Variants in NRG3 observed in about 807,000 individuals in gnomAD.
NRG3 encodes pro-neuregulin-3, membrane-bound isoform.
Under a neutral mutation model 66.9 loss-of-function variants are expected in NRG3, and 31 were observed. The observed-to-expected ratio is 0.46, with a 90% CI of 0.35 to 0.63. The LOEUF is 0.63. Ranked by LOEUF, NRG3 falls within the 20% of genes least tolerant of loss-of-function variation. NRG3 has a pLI of 0.00. For missense variants in NRG3, 910 were observed against 878.9 expected (o/e 1.04, Z -0.45); for synonymous variants, 393 against 359.4 (o/e 1.09, Z -1.06).
At chr10:81,910,210 T>G (rs1311771311) in intron 1 of NRG3, among the ~76,000 whole-genome samples, 1 of 152,208 alleles carries the variant, frequency 6.6e-6, no homozygotes, top group African/African-American at 2.4e-5. Flanking sequence ...TTTCTTGCTG[T>G]CCACCTACTA....
chr10:82,859,667 GA>G (rs977284432), intron 3 of NRG3, among the ~76,000 whole-genome samples: 1 of 152,146 alleles, frequency 6.6e-6, no homozygotes, highest in Non-Finnish European at 1.5e-5. Flanking sequence ...TAGATAAGAA[GA>G]AAAAGTTCAA....
chr10:82,460,235 A>G (rs1256497569), intron 2 of NRG3, among the ~76,000 whole-genome samples: 1 of 152,200 alleles, frequency 6.6e-6, no homozygotes, highest in Non-Finnish European at 1.5e-5. Flanking sequence ...ACATGTCCAC[A>G]GTAGAGCGCT....
intron 1 of NRG3, among the ~76,000 whole-genome samples, chr10:82,356,008 G>A (rs955318604): frequency 7.2e-5 from 11 of 152,160 alleles, no homozygotes; most frequent in Non-Finnish European, 1.3e-4. Context: ...GATTCTTTAA[G>A]CTATGGAAAT....
rs901077116 is a variant in NRG3, at chr10:82,314,225, C to G, written c.824-44514C>G. Among the ~76,000 whole-genome samples, 8 of 152,278 alleles carry G rather than the reference C, an allele frequency of 5.3e-5. No homozygotes were observed. In the South Asian group the frequency reaches 1.7e-3, roughly 32 times the overall value. On this transcript the variant is annotated intron_variant, in intron 1 of 8. Transcript: ENST00000372141. Reference sequence around the variant, plus strand: ...CTATTTTCTCTCATTAGCTTGACAACAGAACTTTAATCCACATGAGTTGAT... The same window carrying G: ...CTATTTTCTCTCATTAGCTTGACAAGAGAACTTTAATCCACATGAGTTGAT...
intron 1 of NRG3, among the ~76,000 whole-genome samples, chr10:82,030,563 G>T (rs1270034070): frequency 3.3e-5 from 5 of 152,010 alleles, no homozygotes; most frequent in African/African-American, 1.2e-4. Flanking sequence ...GGGAGAAAAC[G>T]TGATTCATAC....
chr10:82,606,733 C>T (rs548133442), intron 2 of NRG3, among the ~76,000 whole-genome samples: 1 of 152,252 alleles, frequency 6.6e-6, no homozygotes, highest in Non-Finnish European at 1.5e-5. Flanking sequence ...CCACCTGCTC[C>T]TTCATTGTTC....
intron 3 of NRG3, among the ~76,000 whole-genome samples, chr10:82,830,120 G>C (rs2062444339): frequency 6.6e-6 from 1 of 152,208 alleles, no homozygotes; most frequent in Non-Finnish European, 1.5e-5. Context: ...TTGAGTTGCA[G>C]ATGAGACTGA....
rs983640875 is a variant in NRG3 at position 82,216,984 on chromosome 10, A to T, written c.824-141755A>T. Reference sequence around the variant, plus strand: ...TTTCTGCAGTTCACTCATACTGAGCAAATCTAGACAAAACAAATCCTGTTG... The same window carrying T: ...TTTCTGCAGTTCACTCATACTGAGCTAATCTAGACAAAACAAATCCTGTTG... On this transcript the variant is annotated intron_variant, in intron 1 of 8. Transcript: ENST00000372141. Among the ~76,000 whole-genome samples, 5 of 152,220 alleles carry T rather than the reference A, an allele frequency of 3.3e-5. No homozygotes were observed. The South Asian group carries it at 1.0e-3, about 31-fold the overall frequency.
intron 3 of NRG3, among the ~76,000 whole-genome samples, chr10:82,818,080 G>A (rs1482906057): frequency 1.3e-5 from 2 of 152,204 alleles, no homozygotes; most frequent in Non-Finnish European, 2.9e-5. Context: ...ATGGGCTGTT[G>A]GCTAGCTGCA....
intron 1 of NRG3, among the ~76,000 whole-genome samples, chr10:82,103,851 G>A (rs1042308636): frequency 1.8e-4 from 27 of 151,992 alleles, no homozygotes; most frequent in African/African-American, 6.3e-4. Context: ...GAAAGACAAG[G>A]TGAGAAAAAA....
At chr10:82,463,754 A>G (rs1490931180) in intron 2 of NRG3, among the ~76,000 whole-genome samples, 2 of 152,160 alleles carry the variant, frequency 1.3e-5, no homozygotes, top group Non-Finnish European at 1.5e-5. Flanking sequence ...TCCAGAACCT[A>G]TGCATTTGTA....
chr10:82,692,251 C>CAA (rs11323182), intron 2 of NRG3, among the ~76,000 whole-genome samples: 1 of 120,762 alleles, frequency 8.3e-6, no homozygotes, highest in Non-Finnish European at 1.7e-5. Flanking sequence ...GATTCCATCT[C>CAA]AAAAAAAAAA....
intron 1 of NRG3, among the ~76,000 whole-genome samples, chr10:82,195,520 C>A (rs908516091): frequency 1.3e-5 from 2 of 152,054 alleles, no homozygotes; most frequent in East Asian, 1.9e-4. Flanking sequence ...AAGCTCCCCC[C>A]ACCATATCTC....
intron 1 of NRG3, among the ~76,000 whole-genome samples, chr10:81,911,033 T>C (rs1411610207): frequency 6.6e-6 from 1 of 152,186 alleles, no homozygotes; most frequent in Non-Finnish European, 1.5e-5. Flanking sequence ...GAACTTATCC[T>C]TGGAATATAT....
chr10:82,570,892 T>C lies in NRG3; in HGVS notation c.954-167685T>C, dbSNP rs371119577. On this transcript the variant is annotated intron_variant, in intron 2 of 8. Transcript: ENST00000372141. The stretch of plus-strand genomic sequence containing the variant: ...TTTCCTTCAATGTGACAGGTCTCAG[T>C]GACCACACATTCCTCATATATATCT... Among the ~76,000 whole-genome samples, 12 of 151,766 alleles carry C rather than the reference T, an allele frequency of 7.9e-5. No individual in the cohort carries two copies. In the South Asian group the frequency reaches 1.5e-3, roughly 18 times the overall value.
intron 1 of NRG3, among the ~76,000 whole-genome samples, chr10:82,007,148 T>A (rs925282041): frequency 6.6e-6 from 1 of 152,030 alleles, no homozygotes; most frequent in African/African-American, 2.4e-5. Flanking sequence ...ATAGATTTAG[T>A]TATAACTGTC....
intron 2 of NRG3, among the ~76,000 whole-genome samples, chr10:82,634,119 TAGA>T (rs1374221423): frequency 6.6e-6 from 1 of 152,178 alleles, no homozygotes; most frequent in Admixed American, 6.5e-5. Context: ...AACACTGGAC[TAGA>T]AGAAGTGTTC....
intron 2 of NRG3, among the ~76,000 whole-genome samples, chr10:82,640,099 T>C (rs1357175608): frequency 6.6e-6 from 1 of 152,218 alleles, no homozygotes; most frequent in Non-Finnish European, 1.5e-5. Context: ...GAGGACAAGA[T>C]TGTATTCTTT....
intron 1 of NRG3, among the ~76,000 whole-genome samples, chr10:82,198,418 A>C (rs1770282896): frequency 6.6e-6 from 1 of 152,194 alleles, no homozygotes; most frequent in Non-Finnish European, 1.5e-5. Context: ...TTTGTAGGAA[A>C]GAAGATAAAT....
Sources: gnomAD v4.1 joint callset for allele counts (sites outside exome capture counted in the v4.1 genomes callset) on GRCh38, gnomAD v4.1.1 for gene constraint, MANE v1.5 for transcripts, NCBI Gene and HGNC (gene_info 2026-07-23, HGNC 2026-07-21) for gene names.